The following STAU2 variants were observed in gnomAD, a reference collection of about 807,000 sequenced individuals.
STAU2 encodes staufen double-stranded RNA binding protein 2.
STAU2 carries 20 observed loss-of-function variants against 65.9 expected under a neutral mutation model. The ratio of observed to expected loss-of-function variants is 0.30; its 90% CI spans 0.21 to 0.44. The LOEUF (loss-of-function observed/expected upper bound fraction) is 0.44. Among genes scored for constraint, STAU2 ranks in the 20% least tolerant of loss-of-function variants. STAU2 has a pLI of 1.00. For missense variants in STAU2, 558 were observed against 683.9 expected (o/e 0.82, Z 2.05); for synonymous variants, 232 against 233.9 (o/e 0.99, Z 0.07).
intron 1 of STAU2, 68 bp from the exon 2 acceptor site, chr8:73,739,936 G>A (rs1426907747): frequency 1.4e-6 from 1 of 701,680 alleles, no homozygotes; most frequent in Non-Finnish European, 2.5e-6. Context: ...AAATTCTTAG[G>A]TGTCACCTTC....
chr8:73,720,336 T>A (rs1258901413), intron 3 of STAU2, among the ~76,000 whole-genome samples: 1 of 151,986 alleles, frequency 6.6e-6, no homozygotes, highest in African/African-American at 2.4e-5. Flanking sequence ...GTTCTTCTTT[T>A]TCTAGTCTTT....
chr8:73,436,496 AG>A (rs1817694407), intron 13 of STAU2, among the ~76,000 whole-genome samples: 1 of 151,852 alleles, frequency 6.6e-6, no homozygotes, highest in South Asian at 2.1e-4. Flanking sequence ...CCTTTGCAAA[AG>A]TACAAAGGAT....
intron 3 of STAU2, among the ~76,000 whole-genome samples, chr8:73,712,038 G>C (rs903441841): frequency 6.6e-6 from 1 of 152,086 alleles, no homozygotes; most frequent in Non-Finnish European, 1.5e-5. Flanking sequence ...AATTTAGATA[G>C]AGCATCTATA....
At chr8:73,673,528 C>T (rs925696144) in intron 5 of STAU2, among the ~76,000 whole-genome samples, 3 of 151,936 alleles carry the variant, frequency 2.0e-5, no homozygotes, top group Admixed American at 6.6e-5. Flanking sequence ...GATTGCTAAC[C>T]GTGAATATTA....
chr8:73,679,724 CAA>C (rs200202936), intron 5 of STAU2, among the ~76,000 whole-genome samples: 5 of 137,468 alleles, frequency 3.6e-5, no homozygotes, highest in African/African-American at 2.7e-5. Flanking sequence ...ACTAAAAATA[CAA>C]AAAAAAAAAA....
intron 6 of STAU2, among the ~76,000 whole-genome samples, chr8:73,667,709 T>C (rs1817340074): frequency 1.3e-5 from 2 of 152,186 alleles, no homozygotes; most frequent in Admixed American, 1.3e-4. Context: ...CTGTCTTTCC[T>C]CAAAGTCTCT....
chr8:73,541,814 G>C (rs138616977), intron 13 of STAU2, among the ~76,000 whole-genome samples: 3 of 152,050 alleles, frequency 2.0e-5, no homozygotes, highest in African/African-American at 7.2e-5. Flanking sequence ...TTATTATAGG[G>C]GCTCAAGAGC....
intron 13 of STAU2, among the ~76,000 whole-genome samples, chr8:73,510,638 G>A (rs1412718640): frequency 6.6e-6 from 1 of 152,130 alleles, no homozygotes; most frequent in Non-Finnish European, 1.5e-5. Flanking sequence ...CTTCAATCAC[G>A]GCGGAAGGGG....
At chr8:73,485,241 C>T (rs923918673) in intron 13 of STAU2, among the ~76,000 whole-genome samples, 7 of 141,834 alleles carry the variant, frequency 4.9e-5, no homozygotes. Flanking sequence ...TGCAGTGGCA[C>T]AATCATAGCT....
chr8:73,526,808 G>C (rs1180949941), intron 13 of STAU2, among the ~76,000 whole-genome samples: 1 of 152,072 alleles, frequency 6.6e-6, no homozygotes, highest in Admixed American at 6.5e-5. Context: ...ACAATAAAAG[G>C]AATTTGTTTA....
intron 3 of STAU2, among the ~76,000 whole-genome samples, chr8:73,733,763 A>G (rs567133635): frequency 8.3e-4 from 127 of 152,200 alleles, no homozygotes; most frequent in Non-Finnish European, 1.4e-3. Context: ...ACCTTTTGTC[A>G]GACAGATAAG....
intron 3 of STAU2, among the ~76,000 whole-genome samples, chr8:73,729,697 AG>A (rs1805909209): frequency 6.6e-6 from 1 of 152,102 alleles, no homozygotes; most frequent in Admixed American, 6.6e-5. Flanking sequence ...TTAGTTTGGG[AG>A]GTTTTTTAAC....
chr8:73,522,348 G>A (rs1019884043), intron 13 of STAU2, among the ~76,000 whole-genome samples: 2 of 152,134 alleles, frequency 1.3e-5, no homozygotes. Context: ...ATCAAGCTAG[G>A]AGATTACAAA....
intron 13 of STAU2, among the ~76,000 whole-genome samples, chr8:73,533,896 A>G (rs542382045): frequency 7.5e-4 from 115 of 152,342 alleles, no homozygotes; most frequent in Admixed American, 9.8e-4. Flanking sequence ...CTGCAGAGCT[A>G]AAAGTCCTTG....
intron 3 of STAU2, among the ~76,000 whole-genome samples, chr8:73,726,754 G>C (rs1805664571): frequency 6.6e-6 from 1 of 152,004 alleles, no homozygotes; most frequent in South Asian, 2.1e-4. Context: ...TGAACATTTA[G>C]AGCATATTAG....
At chr8:73,475,753 T>A (rs373739947) in intron 13 of STAU2, among the ~76,000 whole-genome samples, 1 of 152,228 alleles carries the variant, frequency 6.6e-6, no homozygotes, top group South Asian at 2.1e-4. Flanking sequence ...AGGAATCTGA[T>A]ACCCAAAGAG....
At chr8:73,490,263 A>T in intron 13 of STAU2, among the ~76,000 whole-genome samples, 1 of 152,058 alleles carries the variant, frequency 6.6e-6, no homozygotes, top group East Asian at 1.9e-4. Context: ...GGTGCCATCA[A>T]CTTGACAAAT....
chr8:73,527,892 AC>A (rs2128931530), intron 13 of STAU2: 20 of 681,176 alleles, frequency 2.9e-5, no homozygotes, highest in Non-Finnish European at 4.1e-5. Flanking sequence ...TCTAGATTTC[AC>A]AGAACACACT....
intron 13 of STAU2, among the ~76,000 whole-genome samples, chr8:73,476,250 A>G (rs1288838231): frequency 6.6e-6 from 1 of 152,216 alleles, no homozygotes; most frequent in African/African-American, 2.4e-5. Context: ...CATTTAGCTG[A>G]GATGAATCTG....
Sources: gnomAD v4.1 joint callset for allele counts (sites outside exome capture counted in the v4.1 genomes callset) on GRCh38, gnomAD v4.1.1 for gene constraint, MANE v1.5 for transcripts, NCBI Gene and HGNC (gene_info 2026-07-23, HGNC 2026-07-21) for gene names.